C6: variants seen among roughly 807,000 people sequenced by gnomAD.
C6 encodes complement component C6.
A neutral mutation model predicts 112.9 loss-of-function variants in C6; 101 were observed. The ratio of observed to expected loss-of-function variants is 0.89; its 90% CI spans 0.76 to 1.06. The LOEUF (loss-of-function observed/expected upper bound fraction) is 1.06. Among genes scored for constraint, C6 ranks in the 50% least tolerant of loss-of-function variants. The pLI is 0.00. For missense variants in C6, 1,202 were observed against 1,104.6 expected, an observed-to-expected ratio of 1.09 and a Z score of -1.25; for synonymous variants, 431 against 384.1, an observed-to-expected ratio of 1.12 and a Z score of -1.43.
intron 14 of C6, 125 bp downstream of exon 14, chr5:41,154,847 A>T: frequency 1.0e-6 from 1 of 963,548 alleles, no homozygotes; most frequent in South Asian, 1.4e-5. Context: ...GCTTCACAAA[A>T]TCTTTCACCA....
chr5:41,158,758 TTCG>T lies in C6; in HGVS notation c.1881_1883del (p.Asp627del), dbSNP rs1237039973. 6.2e-7 allele frequency: 1 copy of T among 1,601,940 alleles called. No homozygotes were observed. Among genetic ancestry groups the T allele is most frequent in the Non-Finnish European group, 8.6e-7 (1 of 1,169,144 alleles). On this transcript the variant is annotated inframe_deletion, in exon 13 of 18. Transcript: ENST00000337836. ...CAGGAAGATCGACCTCTTTCATTTC[TTCG>T]TCATCATTGATACATGGTTGTCCAC...
At chr5:41,202,578 C>T (rs1751111173) in intron 2 of C6, among the ~76,000 whole-genome samples, 2 of 152,078 alleles carry the variant, frequency 1.3e-5, no homozygotes, top group South Asian at 4.1e-4. Flanking sequence ...AAACATTTAA[C>T]AGAGTTAAAG....
At chr5:41,253,513 C>T (rs1024853592) in intron 1 of C6, among the ~76,000 whole-genome samples, 1 of 152,212 alleles carries the variant, frequency 6.6e-6, no homozygotes, top group African/African-American at 2.4e-5. Context: ...GGATTTTCCT[C>T]CTTTTCTTGA....
At chr5:41,193,992 C>G (rs1175976891) in intron 5 of C6, among the ~76,000 whole-genome samples, 1 of 152,076 alleles carries the variant, frequency 6.6e-6, no homozygotes, top group Non-Finnish European at 1.5e-5. Flanking sequence ...GGGACAACAG[C>G]TCTGGTTGGC....
chr5:41,234,090 A>T (rs1383034065), intron 1 of C6, among the ~76,000 whole-genome samples: 1 of 152,104 alleles, frequency 6.6e-6, no homozygotes, highest in Admixed American at 6.6e-5. Context: ...CAGAATTTAC[A>T]AAACAAATTA....
chr5:41,149,611 C>T, intron 16 of C6, 129 bp from the exon 17 acceptor site: 1 of 1,203,386 alleles, frequency 8.3e-7, no homozygotes, highest in East Asian at 2.3e-5. Flanking sequence ...CACTCCAAGC[C>T]CTGGGCTTGA....
chr5:41,249,244 ACC>A (rs1252563950), intron 1 of C6, among the ~76,000 whole-genome samples: 1 of 152,152 alleles, frequency 6.6e-6, no homozygotes, highest in Non-Finnish European at 1.5e-5. Context: ...GGTACCCCTT[ACC>A]CAGGTAACAA....
intron 11 of C6, 100 bp from the exon 12 acceptor site, chr5:41,159,353 T>G: frequency 6.6e-7 from 1 of 1,512,370 alleles, no homozygotes; most frequent in Non-Finnish European, 8.9e-7. Context: ...GCTCAGTAAC[T>G]TCCTTTGTGG....
rs568539819 is a variant in C6, at chr5:41,247,123, T to C, written c.-21+14071A>G. 5.3e-5 allele frequency among the ~76,000 whole-genome samples: 8 copies of C among 152,312 alleles called. No homozygotes were observed. The South Asian group carries it at 1.7e-3, about 32-fold the overall frequency. Reference sequence around the variant, plus strand: ...ACTGGGCACAGTATTAGGCCTAGATTATGCTATGTTTATGCTGATTCTACC... The same window carrying C: ...ACTGGGCACAGTATTAGGCCTAGATCATGCTATGTTTATGCTGATTCTACC... On this transcript the variant is annotated intron_variant, in intron 1 of 17. Transcript: ENST00000263413.
chr5:41,152,884 T>C (rs1746542806), intron 15 of C6: 1 of 152,226 alleles, frequency 6.6e-6, no homozygotes, highest in African/African-American at 2.4e-5. Context: ...AATGATCTTA[T>C]GCAAGGAATC....
intron 1 of C6, among the ~76,000 whole-genome samples, chr5:41,223,555 G>A (rs1390611186): frequency 1.3e-5 from 2 of 152,090 alleles, no homozygotes; most frequent in East Asian, 1.9e-4. Flanking sequence ...TCTTTTGTGC[G>A]ATTGTATTGG....
At chr5:41,188,955 C>A (rs2150340386) in intron 5 of C6, among the ~76,000 whole-genome samples, 2 of 151,854 alleles carry the variant, frequency 1.3e-5, no homozygotes, top group East Asian at 3.9e-4. Context: ...AAACCATGAG[C>A]AAATAATTTG....
At chr5:41,195,430 T>G (rs1293607691) in intron 5 of C6, among the ~76,000 whole-genome samples, 1 of 152,136 alleles carries the variant, frequency 6.6e-6, no homozygotes, top group Non-Finnish European at 1.5e-5. Context: ...TACTCACCCA[T>G]TCAAGGCCTA....
At chr5:41,161,520 C>A (rs539910574) in intron 10 of C6, among the ~76,000 whole-genome samples, 173 bp downstream of exon 10, 6 of 151,916 alleles carry the variant, frequency 3.9e-5, no homozygotes, top group African/African-American at 1.5e-4. Flanking sequence ...GAATAGCAAA[C>A]GCATTAGACA....
chr5:41,194,443 T>C (rs1292375222), intron 5 of C6, among the ~76,000 whole-genome samples: 1 of 152,198 alleles, frequency 6.6e-6, no homozygotes, highest in Non-Finnish European at 1.5e-5. Context: ...TTCAGACTAA[T>C]GGTTTTTCCA....
intron 1 of C6, among the ~76,000 whole-genome samples, chr5:41,205,238 T>C (rs1200118349): frequency 5.3e-5 from 8 of 152,188 alleles, no homozygotes. Flanking sequence ...GTCATAAAAA[T>C]GAGGGGCTTT....
At chr5:41,181,096 G>T (rs749308596) in intron 7 of C6, among the ~76,000 whole-genome samples, 44 of 151,232 alleles carry the variant, frequency 2.9e-4, no homozygotes, top group Non-Finnish European at 5.6e-4. Flanking sequence ...TTTATAAGAA[G>T]CACACCTACA....
chr5:41,234,620 T>C (rs1045567441), intron 1 of C6, among the ~76,000 whole-genome samples: 1 of 152,146 alleles, frequency 6.6e-6, no homozygotes, highest in Non-Finnish European at 1.5e-5. Context: ...TGATTACTAA[T>C]GACTAATGAA....
At chr5:41,193,795 ATTTTTT>A (rs11460725) in intron 5 of C6, among the ~76,000 whole-genome samples, 2 of 137,418 alleles carry the variant, frequency 1.5e-5, no homozygotes, top group South Asian at 4.7e-4. Flanking sequence ...TCAGGAAGCT[ATTTTTT>A]TTTTTTTTTT....
Sources: gnomAD v4.1 joint callset for allele counts (sites outside exome capture counted in the v4.1 genomes callset) on GRCh38, gnomAD v4.1.1 for gene constraint, MANE v1.5 for transcripts, NCBI Gene and HGNC (gene_info 2026-07-23, HGNC 2026-07-21) for gene names.